The following DISP1 variants were observed in gnomAD, a reference collection of about 807,000 sequenced individuals.
The protein encoded by DISP1 is protein dispatched homolog 1.
Under a neutral mutation model 37.3 loss-of-function variants are expected in DISP1, and 30 were observed. The observed-to-expected ratio is 0.80, with a 90% CI of 0.60 to 1.09. The LOEUF (loss-of-function observed/expected upper bound fraction) is 1.09, where lower values mean the gene tolerates loss of function less well. Among genes scored for constraint, DISP1 ranks in the 50% least tolerant of loss-of-function variants. DISP1 has a pLI of 0.00. For missense variants in DISP1, 1,598 were observed against 1,879.5 expected, an observed-to-expected ratio of 0.85 and a Z score of 2.77; for synonymous variants, 634 against 690.2, an observed-to-expected ratio of 0.92 and a Z score of 1.28.
chr1:222,854,580 T>C (rs1026755575), intron 1 of DISP1, among the ~76,000 whole-genome samples: 6 of 152,058 alleles, frequency 3.9e-5, no homozygotes, highest in African/African-American at 1.4e-4. Context: ...TTAGGATGCT[T>C]GAGTCACTGT....
At chr1:222,874,756 A>G (rs375756536) in intron 1 of DISP1, among the ~76,000 whole-genome samples, 55 of 151,504 alleles carry the variant, frequency 3.6e-4, no homozygotes, top group African/African-American at 1.3e-3. Flanking sequence ...TCCTCTCTCA[A>G]CTCGTCAAAG....
intron 1 of DISP1, among the ~76,000 whole-genome samples, chr1:222,915,015 A>G (rs1672415926): frequency 6.6e-6 from 1 of 152,152 alleles, no homozygotes; most frequent in Non-Finnish European, 1.5e-5. Context: ...AAAGATCATA[A>G]TAACAATGAC....
chr1:222,881,283 C>T (rs1348498494), intron 1 of DISP1, among the ~76,000 whole-genome samples: 3 of 152,174 alleles, frequency 2.0e-5, no homozygotes, highest in African/African-American at 7.2e-5. Context: ...GCAACCTCCG[C>T]CTCCCAGGTT....
intron 3 of DISP1, among the ~76,000 whole-genome samples, chr1:222,963,928 T>C (rs1676263245): frequency 6.6e-6 from 1 of 152,144 alleles, no homozygotes. Flanking sequence ...TTATAAAACT[T>C]AGAAGAATTC....
chr1:222,846,100 T>C (rs1354723628), intron 1 of DISP1, among the ~76,000 whole-genome samples: 1 of 152,242 alleles, frequency 6.6e-6, no homozygotes, highest in East Asian at 1.9e-4. Flanking sequence ...TAATGCATTT[T>C]GAGTTAATTT....
chr1:222,983,169 T>A, intron 4 of DISP1, 60 bp downstream of exon 4: 1 of 1,250,418 alleles, frequency 8.0e-7, no homozygotes, highest in Non-Finnish European at 1.2e-6. Flanking sequence ...TTTTCCAGTC[T>A]AGTATTTTCT....
intron 1 of DISP1, among the ~76,000 whole-genome samples, chr1:222,864,721 C>T (rs1157058165): frequency 6.6e-6 from 1 of 152,148 alleles, no homozygotes; most frequent in Non-Finnish European, 1.5e-5. Context: ...TCAGCTCTAG[C>T]AGTGTGAAAT....
intron 4 of DISP1, among the ~76,000 whole-genome samples, chr1:222,983,689 G>T (rs1156586299): frequency 1.3e-5 from 2 of 152,100 alleles, no homozygotes; most frequent in Non-Finnish European, 2.9e-5. Flanking sequence ...CAACGGATTG[G>T]CTTACTTAGT....
intron 6 of DISP1, 31 bp downstream of exon 6, chr1:222,991,678 T>C (rs1678706488): frequency 6.3e-7 from 1 of 1,597,172 alleles, no homozygotes; most frequent in Non-Finnish European, 8.6e-7. Context: ...ATATAACTTT[T>C]AGACAAAACA....
At position 223,005,141 on chromosome 1, in the gene DISP1, C is replaced by T; in HGVS notation, c.3744C>T (p.Gly1248=). The part of the protein sequence containing the change: ...ELSKSTESDA[G]SALLQPPLEQ... ...GCAAAAGCACTGAAAGTGACGCTGG[C>T]TCTGCCTTGTTACAGCCCCCTCTTG... is the stretch of plus-strand genomic sequence containing the variant. The change falls in exon 9 of 9, where the codon GGC becomes GGT. Residue 1248 remains glycine, a synonymous_variant. Coordinates refer to ENST00000675850, the MANE Select transcript of DISP1 (RefSeq NM_001377229.1). The T allele has an allele frequency of 6.2e-7, 1 of 1,614,206 alleles. No homozygotes were observed. The highest frequency in any genetic ancestry group is 8.5e-7 in the Non-Finnish European group (1 of 1,180,028).
intron 1 of DISP1, among the ~76,000 whole-genome samples, chr1:222,880,212 C>A (rs1397166985): frequency 6.6e-6 from 1 of 152,018 alleles, no homozygotes; most frequent in African/African-American, 2.4e-5. Context: ...GGAGAAAAAG[C>A]AGGATGTACA....
At chr1:222,994,689 TAA>T (rs373818909) in intron 7 of DISP1, among the ~76,000 whole-genome samples, 194 bp from the exon 8 acceptor site, 4 of 152,302 alleles carry the variant, frequency 2.6e-5, no homozygotes, top group African/African-American at 7.2e-5. Context: ...GGCTTTGCGC[TAA>T]GACAATATTA....
At chr1:222,849,872 ACCTT>A (rs771946160) in intron 1 of DISP1, among the ~76,000 whole-genome samples, 8 of 152,208 alleles carry the variant, frequency 5.3e-5, no homozygotes, top group East Asian at 3.9e-4. Context: ...TTCTAGTGTC[ACCTT>A]CCTTATTAGC....
At chr1:222,886,360 C>T (rs910744737) in intron 1 of DISP1, among the ~76,000 whole-genome samples, 4 of 152,168 alleles carry the variant, frequency 2.6e-5, no homozygotes, top group East Asian at 1.9e-4. Context: ...CATATGCTGT[C>T]GGGTTCAGAC....
In DISP1 at chr1:223,002,237, C is replaced by G. The variant is rs950473245; in HGVS notation, c.988-148C>G. 24 of 804,880 alleles carry G rather than the reference C, an allele frequency of 3.0e-5. No individual in the cohort carries two copies. In the Admixed American group the frequency reaches 4.6e-4, roughly 15 times the overall value. 49.9% of individuals were successfully genotyped at this position (804,880 alleles called of 1,614,324 possible). A position where few individuals can be genotyped will look rare whatever the true frequency, so the allele number is the denominator to read the frequency against. On this transcript the variant is annotated intron_variant, in intron 8 of 8. Coordinates refer to ENST00000675850, the MANE Select transcript of DISP1 (RefSeq NM_001377229.1). ...TTTAGGGGAAATTTCACCCTGTATTCAAACTGATTCCTAGTTTAAGTGGAT... is the reference window on the plus strand; with the variant it reads ...TTTAGGGGAAATTTCACCCTGTATTGAAACTGATTCCTAGTTTAAGTGGAT...
intron 1 of DISP1, among the ~76,000 whole-genome samples, chr1:222,927,773 G>A (rs991047722): frequency 7.9e-5 from 12 of 152,158 alleles, no homozygotes; most frequent in African/African-American, 2.7e-4. Context: ...TTTATGTTGT[G>A]GTTGTGGGAT....
intron 1 of DISP1, among the ~76,000 whole-genome samples, chr1:222,920,934 AGATC>A (rs1429093480): frequency 6.6e-6 from 1 of 152,216 alleles, no homozygotes; most frequent in Non-Finnish European, 1.5e-5. Flanking sequence ...AATGAAGCAA[AGATC>A]ATAATAAATA....
chr1:222,897,829 G>A (rs1215456732), intron 1 of DISP1, among the ~76,000 whole-genome samples: 1 of 152,212 alleles, frequency 6.6e-6, no homozygotes, highest in African/African-American at 2.4e-5. Context: ...ATGTACAGAG[G>A]CTAAAGTACT....
At position 222,994,915 on chromosome 1, in the gene DISP1, C is replaced by T; in HGVS notation, c.920C>T (p.Ser307Leu). The T allele has an allele frequency of 6.2e-7, 1 of 1,612,176 alleles. No homozygotes were observed. Reference protein sequence around the residue: ...SDRYSRVVFTSSGGETLWNLP... With the variant: ...SDRYSRVVFTLSGGETLWNLP... ...CGATATTCCAGAGTGGTATTTACTT[C>T]ATCTGGAGGGGAGACATTATGGAAT... The change falls in exon 8 of 9, where the codon TCA becomes TTA. Residue 307 changes from serine to leucine, a missense_variant. Coordinates refer to ENST00000675850, the MANE Select transcript of DISP1 (RefSeq NM_001377229.1).
Sources: gnomAD v4.1 joint callset for allele counts (sites outside exome capture counted in the v4.1 genomes callset) on GRCh38, gnomAD v4.1.1 for gene constraint, MANE v1.5 for transcripts, NCBI Gene and HGNC (gene_info 2026-07-23, HGNC 2026-07-21) for gene names.